Variants in PIEZO2 observed in about 807,000 individuals in gnomAD.
PIEZO2 encodes the protein piezo-type mechanosensitive ion channel component 2.
In PIEZO2, 172 loss-of-function variants were observed where a neutral mutation model predicts 337.3. That is an observed-to-expected ratio of 0.51 (90% CI 0.45 to 0.58). The LOEUF (loss-of-function observed/expected upper bound fraction) is 0.58, where lower values mean the gene tolerates loss of function less well. PIEZO2 is among the 20% of genes least tolerant of loss of function. PIEZO2 has a pLI of 0.00. For missense variants in PIEZO2, 3,028 were observed against 3,391.3 expected, an observed-to-expected ratio of 0.89 and a Z score of 2.66; for synonymous variants, 1,251 against 1,228.5, an observed-to-expected ratio of 1.02 and a Z score of -0.38.
chr18:11,085,836 C>T (rs1481626409), intron 1 of PIEZO2, among the ~76,000 whole-genome samples: 1 of 95,956 alleles, frequency 1.0e-5, no homozygotes, highest in Non-Finnish European at 1.9e-5. Context: ...GCTACTTTGG[C>T]AAGAAAGGAA....
At chr18:10,964,074 A>G (rs1167600535) in intron 3 of PIEZO2, among the ~76,000 whole-genome samples, 7 of 152,224 alleles carry the variant, frequency 4.6e-5, no homozygotes, top group South Asian at 2.1e-4. Context: ...TATCAAAGGA[A>G]GAATTATTCA....
intron 21 of PIEZO2, among the ~76,000 whole-genome samples, chr18:10,764,092 G>C (rs1173385859): frequency 6.6e-6 from 1 of 152,196 alleles, no homozygotes; most frequent in Non-Finnish European, 1.5e-5. Flanking sequence ...CAGGCCAGAT[G>C]TTCCCACATT....
At chr18:10,827,732 C>T (rs1189268617) in intron 7 of PIEZO2, among the ~76,000 whole-genome samples, 1 of 152,194 alleles carries the variant, frequency 6.6e-6, no homozygotes, top group Non-Finnish European at 1.5e-5. Flanking sequence ...GCAGCAGTTA[C>T]AGATGAAGGC....
At chr18:10,722,347 A>C (rs1185752770) in intron 36 of PIEZO2, among the ~76,000 whole-genome samples, 5 of 151,756 alleles carry the variant, frequency 3.3e-5, no homozygotes, top group African/African-American at 1.2e-4. Context: ...TCTCCTACTT[A>C]AGCCTCCCAA....
chr18:10,720,234 G>GCGTATATATA (rs1555631512), intron 36 of PIEZO2, among the ~76,000 whole-genome samples: 3 of 119,908 alleles, frequency 2.5e-5, no homozygotes, highest in Admixed American at 1.0e-4. Flanking sequence ...GTGTGTGTGT[G>GCGTATATATA]TATATATATA....
chr18:11,136,278 T>G (rs1362728814), intron 1 of PIEZO2, among the ~76,000 whole-genome samples: 1 of 152,232 alleles, frequency 6.6e-6, no homozygotes, highest in African/African-American at 2.4e-5. Flanking sequence ...GCAAAACTGA[T>G]CATGCTTTGA....
chr18:10,801,855 G>A (rs931222285), intron 9 of PIEZO2, among the ~76,000 whole-genome samples: 2 of 152,094 alleles, frequency 1.3e-5, no homozygotes, highest in Non-Finnish European at 2.9e-5. Context: ...GAGAGTCCAA[G>A]GCAGGCAGAT....
At chr18:11,046,247 G>A (rs910294474) in intron 2 of PIEZO2, among the ~76,000 whole-genome samples, 3 of 152,190 alleles carry the variant, frequency 2.0e-5, no homozygotes, top group African/African-American at 7.2e-5. Flanking sequence ...AGCAACATAT[G>A]GTTGAATGAT....
intron 2 of PIEZO2, among the ~76,000 whole-genome samples, chr18:11,006,597 G>A (rs2035730706): frequency 6.6e-6 from 1 of 151,948 alleles, no homozygotes; most frequent in South Asian, 2.1e-4. Context: ...TTACCCTCCC[G>A]CATCTGCTAT....
chr18:10,864,926 G>A (rs897053329), intron 5 of PIEZO2, among the ~76,000 whole-genome samples: 7 of 152,106 alleles, frequency 4.6e-5, no homozygotes, highest in Admixed American at 2.0e-4. Context: ...AAGAGCATCC[G>A]TGCAAGAGTG....
intron 16 of PIEZO2, among the ~76,000 whole-genome samples, chr18:10,785,985 T>A (rs1020878085): frequency 6.6e-6 from 1 of 152,226 alleles, no homozygotes; most frequent in Non-Finnish European, 1.5e-5. Flanking sequence ...GTTCCTCTTA[T>A]GAACTGTGCC....
chr18:11,102,963 T>C lies in PIEZO2; in HGVS notation c.65-36741A>G, dbSNP rs1193790811. The stretch of plus-strand genomic sequence containing the variant: ...CAGGGAAGGACTCTCACTGGTCTTC[T>C]GTGGGTCAGGTGTCTCCCCTGAACC... On this transcript the variant is annotated intron_variant, in intron 1 of 55. Transcript: ENST00000674853. This position sits in a 1 kb window ranked among gnomAD's most constrained non-coding sequence, Gnocchi z 5.7. Among the ~76,000 whole-genome samples the C allele has an allele frequency of 6.6e-6, 1 of 152,174 alleles. No individual in the cohort carries two copies. The highest frequency in any genetic ancestry group is 1.9e-4 in the East Asian group (1 of 5,174).
chr18:11,075,850 G>T (rs550205036), intron 1 of PIEZO2, among the ~76,000 whole-genome samples: 1 of 147,954 alleles, frequency 6.8e-6, no homozygotes, highest in East Asian at 2.0e-4. Flanking sequence ...GTGCAGTGGC[G>T]CGATCTCCGC....
intron 3 of PIEZO2, among the ~76,000 whole-genome samples, chr18:10,950,276 AT>A (rs1382260471): frequency 6.6e-6 from 1 of 152,234 alleles, no homozygotes; most frequent in Non-Finnish European, 1.5e-5. Context: ...CAGTCGTCAC[AT>A]CACTTAAAAA....
At chr18:10,736,575 A>G in intron 34 of PIEZO2, 29 bp downstream of exon 34, 1 of 1,536,458 alleles carries the variant, frequency 6.5e-7, no homozygotes, top group Non-Finnish European at 8.7e-7. Flanking sequence ...TCTTCCAACT[A>G]GCAAAGAAAT....
intron 30 of PIEZO2, among the ~76,000 whole-genome samples, chr18:10,747,378 T>C (rs1170104226): frequency 1.3e-5 from 2 of 152,184 alleles, no homozygotes; most frequent in Non-Finnish European, 1.5e-5. Context: ...TATAAGGACC[T>C]CTACAGACCA....
intron 2 of PIEZO2, among the ~76,000 whole-genome samples, chr18:11,018,435 T>TGTGTGTA (rs2036200370): frequency 1.1e-5 from 1 of 92,842 alleles, no homozygotes; most frequent in Non-Finnish European, 2.2e-5. Flanking sequence ...GTGTGTGTGT[T>TGTGTGTA]GAAATAAAGG....
Position 10,857,309 on chromosome 18 carries a change from G to A in PIEZO2, c.493-98C>T, listed in dbSNP as rs1384669690. ...TAATTCATGGGTCAGTCAACGTGGT[G>A]AATTTCACAGATCAGGAAAAAAGGG... is the stretch of plus-strand genomic sequence containing the variant. On this transcript the variant is annotated intron_variant, in intron 5 of 55. Transcript: ENST00000674853. 3.0e-6 allele frequency: 3 copies of A among 1,016,406 alleles called. No individual in the cohort carries two copies. The African/African-American group carries it at 4.9e-5, about 16-fold the overall frequency. The allele number at this position is 1,016,406 out of a possible 1,614,324, so 63.0% of individuals were successfully genotyped here.
rs2037524061 is a variant in PIEZO2 at position 10,748,717 on chromosome 18, GAAATATAGGCAT to G, written c.4265-99_4265-88del. Reference sequence around the variant, plus strand: ...AAATCTGAGGTATGGTCAGGCTTGGGAAATATAGGCATAAAAGCAGCATTCTGATGCTCTGAC... The same window carrying G: ...AAATCTGAGGTATGGTCAGGCTTGGGAAAAGCAGCATTCTGATGCTCTGAC... On this transcript the variant is annotated intron_variant, in intron 29 of 55. Transcript: ENST00000674853. The surrounding 1 kb of genome is among the most constrained non-coding windows in gnomAD (Gnocchi z 5.1). The G allele has an allele frequency of 7.3e-6, 9 of 1,234,498 alleles. No homozygotes were observed. Among genetic ancestry groups the G allele is most frequent in the Middle Eastern group, 4.5e-4 (2 of 4,470 alleles). 76.5% of individuals were successfully genotyped at this position (1,234,498 alleles called of 1,614,324 possible).
Sources: allele counts gnomAD v4.1 joint callset (sites outside exome capture counted in the v4.1 genomes callset), GRCh38; gene constraint gnomAD v4.1.1; non-coding constraint Gnocchi (gnomAD v3.1); transcripts MANE v1.5; gene names NCBI Gene and HGNC (gene_info 2026-07-23, HGNC 2026-07-21).